Variants in ASXL2 observed in about 807,000 individuals in gnomAD.
ASXL2 encodes the protein ASXL transcriptional regulator 2, also known as putative Polycomb group protein ASXL2.
ASXL2 carries 23 observed loss-of-function variants against 122.0 expected under a neutral mutation model. The observed-to-expected ratio is 0.19, with a 90% CI of 0.14 to 0.27. The LOEUF (loss-of-function observed/expected upper bound fraction) is 0.27, where lower values mean the gene tolerates loss of function less well. Among genes scored for constraint, ASXL2 ranks in the 10% least tolerant of loss-of-function variants. The pLI, the probability that ASXL2 is intolerant of heterozygous loss-of-function variation, is 1.00. For synonymous variants in ASXL2, 650 were observed against 637.0 expected, an observed-to-expected ratio of 1.02 and a Z score of -0.31; for missense variants, 1,518 against 1,713.8, an observed-to-expected ratio of 0.89 and a Z score of 2.02.
intron 8 of ASXL2, among the ~76,000 whole-genome samples, chr2:25,765,313 G>A (rs943976756): frequency 7.2e-5 from 11 of 151,754 alleles, no homozygotes; most frequent in Admixed American, 3.3e-4. Context: ...GTGAAACCCC[G>A]TCTCTACTGA....
chr2:25,790,530 T>C (rs2088815446), intron 5 of ASXL2, among the ~76,000 whole-genome samples: 1 of 152,112 alleles, frequency 6.6e-6, no homozygotes, highest in Admixed American at 6.5e-5. Context: ...AATAATCCCT[T>C]ATACTTCTCT....
intron 1 of ASXL2, among the ~76,000 whole-genome samples, chr2:25,877,753 T>G (rs1027470341): frequency 3.9e-5 from 6 of 152,102 alleles, no homozygotes; most frequent in African/African-American, 1.4e-4. Flanking sequence ...CCCTCTCCTT[T>G]CCGGGGCTGG....
intron 5 of ASXL2, among the ~76,000 whole-genome samples, chr2:25,773,908 T>C (rs1225278895): frequency 6.6e-6 from 1 of 151,730 alleles, no homozygotes; most frequent in Non-Finnish European, 1.5e-5. Context: ...CAGACACCTG[T>C]AGTCACAGCT....
At chr2:25,873,439 C>T (rs2089980546) in intron 1 of ASXL2, among the ~76,000 whole-genome samples, 1 of 152,036 alleles carries the variant, frequency 6.6e-6, no homozygotes, top group Admixed American at 6.6e-5. Flanking sequence ...ATTTTCTACA[C>T]TTCCTATATC....
At chr2:25,849,024 G>A (rs1161735131) in intron 1 of ASXL2, among the ~76,000 whole-genome samples, 1 of 68,940 alleles carries the variant, frequency 1.5e-5, no homozygotes, top group Non-Finnish European at 2.6e-5. Context: ...CAACCTGGAT[G>A]ACAAGAGCGA....
intron 5 of ASXL2, among the ~76,000 whole-genome samples, chr2:25,787,853 G>C (rs2088773606): frequency 6.6e-6 from 1 of 152,142 alleles, no homozygotes; most frequent in African/African-American, 2.4e-5. Context: ...GAGGGGAGAG[G>C]GGACATGTGG....
At chr2:25,821,925 T>C (rs1222684748) in intron 3 of ASXL2, among the ~76,000 whole-genome samples, 1 of 152,172 alleles carries the variant, frequency 6.6e-6, no homozygotes, top group African/African-American at 2.4e-5. Flanking sequence ...ATCTACCATG[T>C]AAAGAGTACA....
At chr2:25,766,457 G>A (rs919371352) in intron 8 of ASXL2, among the ~76,000 whole-genome samples, 1 of 152,106 alleles carries the variant, frequency 6.6e-6, no homozygotes. Context: ...CTCTCCTACT[G>A]AACCTCTTTT....
chr2:25,761,351 A>C (rs1288191316), intron 8 of ASXL2, among the ~76,000 whole-genome samples: 3 of 152,134 alleles, frequency 2.0e-5, no homozygotes, highest in African/African-American at 4.8e-5. Context: ...ACTTGAAAGC[A>C]TCCACGAGGA....
chr2:25,866,278 A>G (rs1244052199), intron 1 of ASXL2, among the ~76,000 whole-genome samples: 1 of 151,706 alleles, frequency 6.6e-6, no homozygotes, highest in Non-Finnish European at 1.5e-5. Context: ...CTACGGGTGC[A>G]TGCCACCACG....
intron 9 of ASXL2, among the ~76,000 whole-genome samples, chr2:25,758,490 T>C (rs752965305): frequency 3.3e-5 from 5 of 152,110 alleles, no homozygotes; most frequent in Non-Finnish European, 5.9e-5. Context: ...AAATTGTAAT[T>C]GTTCTATCTT....
chr2:25,853,139 T>A (rs1008729834), intron 1 of ASXL2, among the ~76,000 whole-genome samples: 1 of 152,144 alleles, frequency 6.6e-6, no homozygotes, highest in African/African-American at 2.4e-5. Context: ...TTTTGACAAA[T>A]CCCTCATTAT....
At chr2:25,748,258 G>A (rs556676956) in intron 12 of ASXL2, among the ~76,000 whole-genome samples, 13 of 151,910 alleles carry the variant, frequency 8.6e-5, no homozygotes, top group African/African-American at 3.1e-4. Context: ...CAGCACTTTG[G>A]GAGGCAGAGG....
rs2088647547 is a variant in ASXL2, at chr2:25,781,959, CTTTTTTCTTTTT to C, written c.404-10431_404-10420del. Among the ~76,000 whole-genome samples the C allele has an allele frequency of 2.3e-5, 2 of 88,400 alleles. 1 individual carries two copies. The highest frequency in any genetic ancestry group is 8.9e-5 in the African/African-American group (2 of 22,530). The allele number at this position is 88,400 out of a possible 152,430, so 58.0% of individuals were successfully genotyped here. On this transcript the variant is annotated intron_variant, in intron 5 of 12. Transcript: ENST00000435504. ...TAACAGGCGTGAGCCACCGCCCGGGCTTTTTTCTTTTTTTTTTTTTTTTTTTGTAGAGACAGA... is the reference window on the plus strand; with the variant it reads ...TAACAGGCGTGAGCCACCGCCCGGGCTTTTTTTTTTTTTTGTAGAGACAGA...
At chr2:25,831,265 T>C (rs888464198) in intron 3 of ASXL2, among the ~76,000 whole-genome samples, 1 of 145,378 alleles carries the variant, frequency 6.9e-6, no homozygotes, top group African/African-American at 2.6e-5. Flanking sequence ...ATCACATCAC[T>C]GCACTCCAGC....
intron 5 of ASXL2, among the ~76,000 whole-genome samples, chr2:25,773,674 A>AAC (rs1553696538): frequency 6.6e-6 from 1 of 151,536 alleles, no homozygotes; most frequent in Non-Finnish European, 1.5e-5. Flanking sequence ...TCAAAAAAAA[A>AAC]AAAACAAAAA....
At chr2:25,814,822 C>T (rs777601375) in intron 3 of ASXL2, among the ~76,000 whole-genome samples, 46 of 152,110 alleles carry the variant, frequency 3.0e-4, no homozygotes, top group Non-Finnish European at 5.6e-4. Context: ...TGAAAGGAGT[C>T]ATCACTGCAT....
intron 3 of ASXL2, among the ~76,000 whole-genome samples, chr2:25,812,236 T>C (rs2089179618): frequency 6.6e-6 from 1 of 150,772 alleles, no homozygotes; most frequent in African/African-American, 2.4e-5. Context: ...GGCAGGTGGA[T>C]TACCTGAAGG....
chr2:25,826,026 C>G (rs1177210958), intron 3 of ASXL2, among the ~76,000 whole-genome samples: 1 of 152,180 alleles, frequency 6.6e-6, no homozygotes, highest in Non-Finnish European at 1.5e-5. Flanking sequence ...ATGTCTTATA[C>G]AAGCATACAA....
Sources: gnomAD v4.1 joint callset for allele counts (sites outside exome capture counted in the v4.1 genomes callset) on GRCh38, gnomAD v4.1.1 for gene constraint, MANE v1.5 for transcripts, NCBI Gene and HGNC (gene_info 2026-07-23, HGNC 2026-07-21) for gene names.